The following CCDC28A variants were observed in gnomAD, a reference collection of about 807,000 sequenced individuals.
CCDC28A encodes coiled-coil domain containing 28A.
Under a neutral mutation model 22.1 loss-of-function variants are expected in CCDC28A, and 24 were observed. The ratio of observed to expected loss-of-function variants is 1.09; its 90% CI spans 0.79 to 1.53. CCDC28A has a LOEUF of 1.53. CCDC28A is among the 40% of genes most tolerant of loss of function. CCDC28A has a pLI of 0.00. For synonymous variants in CCDC28A, 83 were observed against 74.7 expected (o/e 1.11, Z -0.57); for missense variants, 170 against 210.7 (o/e 0.81, Z 1.20).
At chr6:138,783,355 C>T (rs1324617995) in intron 3 of CCDC28A, among the ~76,000 whole-genome samples, 1 of 149,954 alleles carries the variant, frequency 6.7e-6, no homozygotes, top group Non-Finnish European at 1.5e-5. Flanking sequence ...GCAGCCTCGG[C>T]CTCCTTGAGC....
intron 3 of CCDC28A, among the ~76,000 whole-genome samples, chr6:138,781,222 A>G (rs1353375185): frequency 6.6e-6 from 1 of 152,184 alleles, no homozygotes. Flanking sequence ...AATCTCTCTA[A>G]TGCACCTAGG....
chr6:138,779,890 A>G lies in CCDC28A; in HGVS notation c.227A>G (p.His76Arg). The G allele has an allele frequency of 1.2e-6, 2 of 1,613,608 alleles. No homozygotes were observed. Among genetic ancestry groups the G allele is most frequent in the Non-Finnish European group, 1.7e-6 (2 of 1,179,598 alleles). ...GGCGCTCAGTCAACTCCGATCCAGC[A>G]CTCCTTCCTCACTGATGTCTCAGAT... ...GKGAQSTPIQ[H>R]SFLTDVSDVQ... The change falls in exon 3 of 6, where the codon CAC becomes CGC. Residue 76 changes from histidine (H) to arginine (R), a missense_variant. By Grantham distance (29) the His-to-Arg change is conservative. Coordinates refer to ENST00000617445, the MANE Select transcript of CCDC28A (RefSeq NM_015439.3).
intron 4 of CCDC28A, among the ~76,000 whole-genome samples, chr6:138,787,511 T>A (rs1231801534): frequency 1.3e-5 from 2 of 152,240 alleles, no homozygotes; most frequent in Middle Eastern, 3.2e-3. Flanking sequence ...GAATTCTACC[T>A]CATATAGAAA....
At chr6:138,774,596 A>T (rs1181114236) in intron 1 of CCDC28A, among the ~76,000 whole-genome samples, 2 of 152,262 alleles carry the variant, frequency 1.3e-5, no homozygotes, top group Non-Finnish European at 2.9e-5. Context: ...CTTCTTTGGC[A>T]GTATTGTAGC....
Position 138,776,266 on chromosome 6 carries a change from C to A in CCDC28A, c.146C>A (p.Pro49Gln). 6.2e-7 allele frequency: 1 copy of A among 1,612,672 alleles called. No individual in the cohort carries two copies. The highest frequency in any genetic ancestry group is 8.5e-7 in the Non-Finnish European group (1 of 1,178,760). The change falls in exon 2 of 6, where the codon CCA (proline) becomes CAA (glutamine). Residue 49 changes from proline to glutamine, a missense_variant. Transcript: ENST00000617445. ...GCATCACAGTCAACTTCACAGCGAC[C>A]AAAGTTAAAAAGGTGAATTCTTTTA... Reference protein sequence around the residue: ...NPASQSTSQRPKLKRVMKEKT... With the variant: ...NPASQSTSQRQKLKRVMKEKT...
At position 138,773,800 on chromosome 6, in the gene CCDC28A, C is replaced by A; in HGVS notation, c.-145C>A. The A allele has an allele frequency of 6.2e-7, 1 of 1,613,874 alleles. No homozygotes were observed. The highest frequency in any genetic ancestry group is 8.5e-7 in the Non-Finnish European group (1 of 1,179,882). On this transcript the variant is annotated 5_prime_UTR_variant, in exon 1 of 6. Transcript: ENST00000617445. ...AAACGGAGCTGCGGAGGAGCGGGTC[C>A]CGGGATGTGACCGGGGCTCTGCTTG...
Position 138,785,243 on chromosome 6 carries a change from T to C in CCDC28A, c.339T>C (p.Ile113=). The C allele has an allele frequency of 6.2e-7, 1 of 1,612,652 alleles. No homozygotes were observed. Among genetic ancestry groups the C allele is most frequent in the Non-Finnish European group, 8.5e-7 (1 of 1,178,752 alleles). Residue 113 remains isoleucine, a synonymous_variant, in exon 4 of 6, where the codon ATT becomes ATC. Coordinates refer to ENST00000617445, the MANE Select transcript of CCDC28A (RefSeq NM_015439.3). ...GTTCCCAAGGAAATGAATGTTCCAT[T>C]GAACAGATGGAACATGTTCGGGGAA... The part of the protein sequence containing the change: ...KLQAFGNECS[I]EQMEHVRGMQ...
rs183299243 is a variant in CCDC28A at position 138,775,065 on chromosome 6, G to C, written c.-42-1014G>C. On this transcript the variant is annotated intron_variant, in intron 1 of 5. Transcript: ENST00000617445. ...TGCCATTGTCCTGCCTCAGCCTCCT[G>C]AGTAGCTGGGACTACAGGCGCCCGC... is the stretch of plus-strand genomic sequence containing the variant. Among the ~76,000 whole-genome samples, 237 of 152,310 alleles carry C rather than the reference G, an allele frequency of 1.6e-3. 2 individuals are homozygous for C. The highest frequency in any genetic ancestry group is 5.3e-3 in the African/African-American group (222 of 41,560).
chr6:138,791,416 A>C (rs1775167492), intron 5 of CCDC28A, among the ~76,000 whole-genome samples: 1 of 151,964 alleles, frequency 6.6e-6, no homozygotes, highest in Non-Finnish European at 1.5e-5. Flanking sequence ...GTTGCTCTAA[A>C]CTTTAGGTAT....
intron 1 of CCDC28A, among the ~76,000 whole-genome samples, chr6:138,774,127 G>A (rs768681471): frequency 6.6e-6 from 1 of 152,196 alleles, no homozygotes; most frequent in African/African-American, 2.4e-5. Flanking sequence ...TACTTATTAT[G>A]CCTTCTCTAA....
intron 5 of CCDC28A, 139 bp downstream of exon 5, chr6:138,788,527 C>A: frequency 2.6e-6 from 1 of 389,970 alleles, no homozygotes; most frequent in Non-Finnish European, 4.9e-6. Flanking sequence ...AGGGCCGTCA[C>A]TCTTCCTCTT....
intron 3 of CCDC28A, among the ~76,000 whole-genome samples, chr6:138,784,768 A>G (rs561654965): frequency 1.3e-5 from 2 of 151,298 alleles, no homozygotes; most frequent in East Asian, 3.9e-4. Flanking sequence ...ATCTTGGCTC[A>G]CTGCAACCTC....
chr6:138,792,386 A>C (rs1775184204), intron 5 of CCDC28A, among the ~76,000 whole-genome samples: 1 of 152,096 alleles, frequency 6.6e-6, no homozygotes, highest in Non-Finnish European at 1.5e-5. Context: ...GAATAGAAAA[A>C]TTAGCCAGGT....
At chr6:138,780,614 G>A (rs1042558577) in intron 3 of CCDC28A, among the ~76,000 whole-genome samples, 7 of 135,958 alleles carry the variant, frequency 5.1e-5, no homozygotes, top group Admixed American at 1.6e-4. Flanking sequence ...TGGCTCTGTC[G>A]CCCAGGCTAG....
chr6:138,773,919 A>G lies in CCDC28A; in HGVS notation c.-43+17A>G, dbSNP rs371634745. 2 of 1,610,468 alleles carry G rather than the reference A, an allele frequency of 1.2e-6. No homozygotes were observed. Among genetic ancestry groups the G allele is most frequent in the South Asian group, 1.1e-5 (1 of 91,008 alleles). On this transcript the variant is annotated intron_variant, in intron 1 of 5. Transcript: ENST00000617445. Reference sequence around the variant, plus strand: ...CTTCTTCAGGTATGTAGTGGAAGCAAAGGAACCTCCGCAACCTGCCCCTTT... The same window carrying G: ...CTTCTTCAGGTATGTAGTGGAAGCAGAGGAACCTCCGCAACCTGCCCCTTT...
At chr6:138,777,590 T>C (rs1179447481) in intron 2 of CCDC28A, among the ~76,000 whole-genome samples, 1 of 152,258 alleles carries the variant, frequency 6.6e-6, no homozygotes, top group African/African-American at 2.4e-5. Flanking sequence ...CAGGACTCTC[T>C]GGATCATCAT....
chr6:138,779,524 G>A (rs541114964), intron 2 of CCDC28A, among the ~76,000 whole-genome samples: 8 of 152,296 alleles, frequency 5.3e-5, no homozygotes, highest in African/African-American at 1.9e-4. Flanking sequence ...GAAATGTAAA[G>A]CATAGGATAA....
chr6:138,773,781 A>C lies in CCDC28A; in HGVS notation c.-164A>C, dbSNP rs201981591. On this transcript the variant is annotated 5_prime_UTR_variant, in exon 1 of 6. Coordinates refer to ENST00000617445, the MANE Select transcript of CCDC28A (RefSeq NM_015439.3). ...TTACGTCACTTCCGTAAACAAACGGAGCTGCGGAGGAGCGGGTCCCGGGAT... is the reference window on the plus strand; with the variant it reads ...TTACGTCACTTCCGTAAACAAACGGCGCTGCGGAGGAGCGGGTCCCGGGAT... 1.1e-5 allele frequency: 17 copies of C among 1,613,264 alleles called. No individual in the cohort carries two copies. Among genetic ancestry groups the C allele is most frequent in the South Asian group, 4.4e-5 (4 of 91,018 alleles).
At chr6:138,776,552 AT>A (rs1307594487) in intron 2 of CCDC28A, among the ~76,000 whole-genome samples, 2 of 152,204 alleles carry the variant, frequency 1.3e-5, no homozygotes, top group African/African-American at 4.8e-5. Context: ...CTAGTCAGAA[AT>A]GGGAAAAGTG....
Sources: allele counts gnomAD v4.1 joint callset (sites outside exome capture counted in the v4.1 genomes callset), GRCh38; gene constraint gnomAD v4.1.1; transcripts MANE v1.5; gene names NCBI Gene and HGNC (gene_info 2026-07-23, HGNC 2026-07-21).